Variants in FSTL5 observed in about 807,000 individuals in gnomAD.
The protein encoded by FSTL5 is follistatin like 5.
Under a neutral mutation model 89.1 loss-of-function variants are expected in FSTL5, and 62 were observed. The ratio of observed to expected loss-of-function variants is 0.70; its 90% confidence interval spans 0.57 to 0.86. The LOEUF (loss-of-function observed/expected upper bound fraction) is 0.86. Among genes scored for constraint, FSTL5 ranks in the 40% least tolerant of loss-of-function variants. FSTL5 has a pLI of 0.00. For synonymous variants in FSTL5, 383 were observed against 346.2 expected (o/e 1.11, Z -1.18); for missense variants, 1,057 against 1,001.6 (o/e 1.06, Z -0.75).
In FSTL5 at chr4:161,442,054, G is replaced by A. The variant is rs2126370057; in HGVS notation, c.1841+12950C>T. On this transcript the variant is annotated intron_variant, in intron 15 of 15. Transcript: ENST00000306100. ...CAACTAATTTATAGTTATATAACTAGGGACTTTCAATGGGATAGACCAAAA... is the reference window on the plus strand; with the variant it reads ...CAACTAATTTATAGTTATATAACTAAGGACTTTCAATGGGATAGACCAAAA... Among the ~76,000 whole-genome samples the A allele has an allele frequency of 1.3e-5, 2 of 152,066 alleles. 1 individual carries two copies. Among genetic ancestry groups the A allele is most frequent in the South Asian group, 4.2e-4 (2 of 4,808 alleles).
chr4:161,887,449 A>C lies in FSTL5; in HGVS notation c.409+32955T>G, dbSNP rs1176887596. Among the ~76,000 whole-genome samples the C allele has an allele frequency of 2.2e-3, 316 of 144,976 alleles. 2 individuals are homozygous for C. Among genetic ancestry groups the C allele is most frequent in the African/African-American group, 8.1e-3 (303 of 37,394 alleles). ...TATCATCTATCTACCTATCATCTATAATCTATCAGTCTATCTGTCTGTTTT... is the reference window on the plus strand; with the variant it reads ...TATCATCTATCTACCTATCATCTATCATCTATCAGTCTATCTGTCTGTTTT... On this transcript the variant is annotated intron_variant, in intron 4 of 15. Coordinates refer to ENST00000306100, the MANE Select transcript of FSTL5 (RefSeq NM_020116.5).
At chr4:161,506,759 A>C (rs531158964) in intron 11 of FSTL5, among the ~76,000 whole-genome samples, 1 of 152,192 alleles carries the variant, frequency 6.6e-6, no homozygotes, top group African/African-American at 2.4e-5. Flanking sequence ...GACATTGGAA[A>C]CCTTGTATTA....
intron 3 of FSTL5, among the ~76,000 whole-genome samples, chr4:161,980,169 A>C (rs80132437): frequency 6.7e-6 from 1 of 150,036 alleles, no homozygotes; most frequent in Non-Finnish European, 1.5e-5. Flanking sequence ...GAAAGAAAGA[A>C]AAAGAAAGAG....
intron 4 of FSTL5, among the ~76,000 whole-genome samples, chr4:161,873,336 T>G (rs574308972): frequency 2.6e-5 from 4 of 151,976 alleles, no homozygotes; most frequent in Non-Finnish European, 5.9e-5. Flanking sequence ...TGCAGAAAAC[T>G]CCAAAGAACC....
intron 3 of FSTL5, among the ~76,000 whole-genome samples, chr4:161,984,397 T>C (rs1335819463): frequency 6.6e-6 from 1 of 152,098 alleles, no homozygotes; most frequent in African/African-American, 2.4e-5. Context: ...ATGTTAAAAA[T>C]ATACTTTATC....
At chr4:161,755,931 G>A (rs1048845626) in intron 6 of FSTL5, among the ~76,000 whole-genome samples, 15 of 151,874 alleles carry the variant, frequency 9.9e-5, no homozygotes, top group Non-Finnish European at 1.6e-4. Flanking sequence ...TTAATTATCA[G>A]GTAATTTTAT....
At chr4:161,523,762 G>T (rs959627302) in intron 10 of FSTL5, among the ~76,000 whole-genome samples, 10 of 151,992 alleles carry the variant, frequency 6.6e-5, no homozygotes, top group Non-Finnish European at 1.0e-4. Context: ...GCTGGGAATT[G>T]GAATTTGAAT....
intron 7 of FSTL5, among the ~76,000 whole-genome samples, chr4:161,600,081 C>T (rs976923817): frequency 6.6e-6 from 1 of 151,046 alleles, no homozygotes; most frequent in Non-Finnish European, 1.5e-5. Flanking sequence ...TCTAGCTCTA[C>T]ATTTCATGCT....
At chr4:161,907,678 ATC>A (rs1733574999) in intron 4 of FSTL5, among the ~76,000 whole-genome samples, 1 of 152,140 alleles carries the variant, frequency 6.6e-6, no homozygotes, top group Admixed American at 6.6e-5. Context: ...AATGAAAAGC[ATC>A]TCTCTAGGTT....
chr4:161,459,118 G>T, intron 14 of FSTL5, 94 bp downstream of exon 14: 1 of 881,982 alleles, frequency 1.1e-6, no homozygotes, highest in Non-Finnish European at 1.8e-6. Flanking sequence ...TCCTCAGATG[G>T]AAAAATATCA....
chr4:161,601,855 A>C (rs1434993031), intron 7 of FSTL5, among the ~76,000 whole-genome samples: 1 of 152,178 alleles, frequency 6.6e-6, no homozygotes, highest in Non-Finnish European at 1.5e-5. Context: ...GCCTACTTCC[A>C]GGCATAAACA....
intron 10 of FSTL5, among the ~76,000 whole-genome samples, chr4:161,527,517 T>C (rs1368577694): frequency 2.6e-5 from 4 of 152,074 alleles, no homozygotes; most frequent in Non-Finnish European, 5.9e-5. Flanking sequence ...AAGAAGACAT[T>C]TATGCAGCCA....
intron 8 of FSTL5, among the ~76,000 whole-genome samples, chr4:161,577,470 A>G (rs1733261857): frequency 8.7e-6 from 1 of 115,578 alleles, no homozygotes; most frequent in Non-Finnish European, 1.8e-5. Flanking sequence ...AGAAGAAAAA[A>G]GACAAAAAAA....
chr4:161,979,373 C>T (rs558249782), intron 3 of FSTL5, among the ~76,000 whole-genome samples: 36 of 152,246 alleles, frequency 2.4e-4, no homozygotes, highest in African/African-American at 8.7e-4. Flanking sequence ...TATGCCACTA[C>T]ATAAGAGTGT....
At chr4:161,608,024 A>C (rs953704765) in intron 7 of FSTL5, among the ~76,000 whole-genome samples, 4 of 152,178 alleles carry the variant, frequency 2.6e-5, no homozygotes, top group Non-Finnish European at 4.4e-5. Context: ...TCTGAAACTC[A>C]GCTTTGATAC....
At chr4:161,435,072 G>T (rs1732511492) in intron 15 of FSTL5, among the ~76,000 whole-genome samples, 2 of 151,980 alleles carry the variant, frequency 1.3e-5, no homozygotes, top group South Asian at 4.1e-4. Context: ...CCATTGCTAG[G>T]CATATAACCC....
intron 15 of FSTL5, among the ~76,000 whole-genome samples, chr4:161,424,024 CTTTTTTTTTTTTT>C (rs11287729): frequency 6.6e-5 from 5 of 75,378 alleles, no homozygotes; most frequent in East Asian, 4.1e-4. Flanking sequence ...GCCCATCATT[CTTTTTTTTTTTTT>C]TTTTTTTTTT....
intron 8 of FSTL5, among the ~76,000 whole-genome samples, chr4:161,552,307 T>C (rs1006507191): frequency 1.5e-4 from 23 of 151,978 alleles, no homozygotes; most frequent in South Asian, 1.0e-3. Context: ...AGACAAAGTT[T>C]ATCTTGCCAC....
At chr4:161,929,901 G>A (rs1734240259) in intron 3 of FSTL5, among the ~76,000 whole-genome samples, 1 of 151,598 alleles carries the variant, frequency 6.6e-6, no homozygotes, top group African/African-American at 2.4e-5. Context: ...TGGACTAAAT[G>A]ATGTCTCATT....
Sources: allele counts gnomAD v4.1 joint callset (sites outside exome capture counted in the v4.1 genomes callset), GRCh38; gene constraint gnomAD v4.1.1; transcripts MANE v1.5; gene names NCBI Gene and HGNC (gene_info 2026-07-23, HGNC 2026-07-21).